The following ADAMTSL1 variants were observed in gnomAD, a reference collection of about 807,000 sequenced individuals.
ADAMTSL1 encodes ADAMTS-like protein 1.
In ADAMTSL1, 126 loss-of-function variants were observed where a neutral mutation model predicts 201.8. The observed-to-expected ratio is 0.62, with a 90% CI of 0.54 to 0.72. The LOEUF is 0.72. Among genes scored for constraint, ADAMTSL1 ranks in the 30% least tolerant of loss-of-function variants. The pLI, the probability that ADAMTSL1 is intolerant of heterozygous loss-of-function variation, is 0.00. For missense variants in ADAMTSL1, 2,679 were observed against 2,277.8 expected (o/e 1.18, Z -3.59); for synonymous variants, 1,121 against 903.4 (o/e 1.24, Z -4.32).
chr9:18,819,855 T>A (rs904394903), intron 21 of ADAMTSL1, among the ~76,000 whole-genome samples: 3 of 152,214 alleles, frequency 2.0e-5, no homozygotes, highest in Non-Finnish European at 4.4e-5. Context: ...ACAGTGAATT[T>A]GCTGGACAAG....
chr9:18,457,757 T>C (rs1474822014), intron 2 of ADAMTSL1, among the ~76,000 whole-genome samples: 3 of 152,198 alleles, frequency 2.0e-5, no homozygotes, highest in African/African-American at 7.2e-5. Context: ...AAAGAGGAGT[T>C]AGAGAAAGTG....
At chr9:18,738,325 T>A (rs1203499727) in intron 15 of ADAMTSL1, among the ~76,000 whole-genome samples, 1 of 152,198 alleles carries the variant, frequency 6.6e-6, no homozygotes. Context: ...TTCTATGCTT[T>A]CAAACATGTG....
intron 1 of ADAMTSL1, among the ~76,000 whole-genome samples, chr9:18,482,285 T>C (rs1303718442): frequency 6.6e-6 from 1 of 152,234 alleles, no homozygotes. Flanking sequence ...GTGAATTATT[T>C]GGGTGCACCT....
At chr9:17,975,984 C>G (rs1232614441) in intron 1 of ADAMTSL1, among the ~76,000 whole-genome samples, 1 of 151,934 alleles carries the variant, frequency 6.6e-6, no homozygotes, top group Non-Finnish European at 1.5e-5. Flanking sequence ...ACTAGCCTTC[C>G]CCGACTGTGT....
chr9:18,226,085 T>C (rs531973406), intron 2 of ADAMTSL1, among the ~76,000 whole-genome samples: 2 of 152,196 alleles, frequency 1.3e-5, no homozygotes, highest in African/African-American at 4.8e-5. Context: ...GAGTTTTCTT[T>C]AGTCATGCCT....
chr9:18,059,832 T>A (rs535584241), intron 1 of ADAMTSL1, among the ~76,000 whole-genome samples: 2 of 152,316 alleles, frequency 1.3e-5, no homozygotes, highest in South Asian at 4.1e-4. Flanking sequence ...GGCTTTTTTT[T>A]AAGGCTGTCT....
chr9:18,866,576 T>C (rs1288475959), intron 23 of ADAMTSL1, among the ~76,000 whole-genome samples: 2 of 152,230 alleles, frequency 1.3e-5, no homozygotes, highest in Non-Finnish European at 2.9e-5. Flanking sequence ...CAATTCAAGA[T>C]GAACAGTCAT....
chr9:18,532,334 T>C lies in ADAMTSL1; in HGVS notation c.192-913T>C, dbSNP rs191773489. ...GAGCCTTACAAAAGTTCATTCCCTT[T>C]AGTCTAGTAATTCTCTTTCTAGAAA... On this transcript the variant is annotated intron_variant, in intron 2 of 28. Transcript: ENST00000380548. Among the ~76,000 whole-genome samples the C allele has an allele frequency of 3.7e-3, 560 of 152,240 alleles. 4 individuals are homozygous for C. The highest frequency in any genetic ancestry group is 5.8e-3 in the Non-Finnish European group (395 of 67,990).
intron 2 of ADAMTSL1, among the ~76,000 whole-genome samples, chr9:18,507,289 C>T (rs905894915): frequency 1.3e-5 from 2 of 152,132 alleles, no homozygotes; most frequent in Non-Finnish European, 2.9e-5. Context: ...CCTCTGCGCC[C>T]TAATGAGTTA....
chr9:18,268,058 A>G lies in ADAMTSL1; in HGVS notation c.207+104077A>G, dbSNP rs72684981. On this transcript the variant is annotated intron_variant, in intron 2 of 29. Coordinates refer to the ADAMTSL1 transcript ENST00000680146. ...AGATTGATTGATCTAAATATAGCCA[A>G]GAAGATGTGAACCTTCCTTTGGTAT... is the stretch of plus-strand genomic sequence containing the variant. Among the ~76,000 whole-genome samples, 441 of 152,346 alleles carry G rather than the reference A, an allele frequency of 2.9e-3. 2 individuals are homozygous for G. The highest frequency in any genetic ancestry group is 3.6e-3 in the Non-Finnish European group (245 of 68,030).
chr9:18,263,050 T>A (rs553066809), intron 2 of ADAMTSL1, among the ~76,000 whole-genome samples: 1 of 152,302 alleles, frequency 6.6e-6, no homozygotes, highest in East Asian at 1.9e-4. Flanking sequence ...TTTGCTGACA[T>A]CAGTAAAGTG....
intron 1 of ADAMTSL1, among the ~76,000 whole-genome samples, chr9:18,150,851 G>T (rs1052151826): frequency 1.3e-5 from 2 of 151,906 alleles, no homozygotes; most frequent in Non-Finnish European, 2.9e-5. Context: ...TGGTTCAGGG[G>T]CACAGAAGTT....
Position 18,894,927 on chromosome 9 carries a change from TCA to T in ADAMTSL1, c.4851+2334_4851+2335del, listed in dbSNP as rs140475594. Among the ~76,000 whole-genome samples the T allele has an allele frequency of 1.3e-3, 203 of 152,212 alleles. 3 individuals are homozygous for T. The East Asian group carries it at 0.035, about 26-fold the overall frequency. On this transcript the variant is annotated intron_variant, in intron 26 of 28. Coordinates refer to ENST00000380548, the MANE Select transcript of ADAMTSL1 (RefSeq NM_001040272.6). ...AGATTAACCTAATGAGTAGGAAAAT[TCA>T]CAGAGACCAGTGGAGGAGCTTTTTC...
At chr9:18,555,971 T>C (rs140838097) in intron 3 of ADAMTSL1, among the ~76,000 whole-genome samples, 1 of 151,858 alleles carries the variant, frequency 6.6e-6, no homozygotes, top group African/African-American at 2.4e-5. Flanking sequence ...GTTGTGCACA[T>C]GTACCCTAGA....
intron 25 of ADAMTSL1, among the ~76,000 whole-genome samples, chr9:18,890,140 G>A (rs1252447327): frequency 6.6e-6 from 1 of 152,116 alleles, no homozygotes; most frequent in Non-Finnish European, 1.5e-5. Flanking sequence ...AACGATTACT[G>A]GGTTCTGCCC....
intron 1 of ADAMTSL1, among the ~76,000 whole-genome samples, chr9:18,026,761 A>C (rs1563956341): frequency 6.6e-6 from 1 of 151,994 alleles, no homozygotes; most frequent in Non-Finnish European, 1.5e-5. Flanking sequence ...AATTTTTGGG[A>C]ATAGTTTCAG....
chr9:18,713,734 C>T (rs1039016817), intron 14 of ADAMTSL1, among the ~76,000 whole-genome samples: 1 of 149,148 alleles, frequency 6.7e-6, no homozygotes, highest in African/African-American at 2.5e-5. Context: ...GAACTCAGCT[C>T]TGCACCAAGC....
chr9:18,586,683 T>G (rs182072366), intron 4 of ADAMTSL1, among the ~76,000 whole-genome samples: 2 of 152,258 alleles, frequency 1.3e-5, no homozygotes, highest in East Asian at 3.9e-4. Context: ...TCACATTACC[T>G]GACTTCAAAC....
At chr9:17,920,947 T>G (rs2033266500) in intron 1 of ADAMTSL1, among the ~76,000 whole-genome samples, 2 of 152,242 alleles carry the variant, frequency 1.3e-5, no homozygotes, top group Admixed American at 6.5e-5. Flanking sequence ...CATAATGCTG[T>G]GCCTTGCTGT....
Sources: gnomAD v4.1 joint callset for allele counts (sites outside exome capture counted in the v4.1 genomes callset) on GRCh38, gnomAD v4.1.1 for gene constraint, MANE v1.5 for transcripts, NCBI Gene and HGNC (gene_info 2026-07-23, HGNC 2026-07-21) for gene names.